The following TEX14 variants were observed in gnomAD, a reference collection of about 807,000 sequenced individuals.
TEX14 encodes inactive serine/threonine-protein kinase TEX14.
A neutral mutation model predicts 178.6 loss-of-function variants in TEX14; 168 were observed. The observed-to-expected ratio is 0.94, with a 90% CI of 0.83 to 1.07. TEX14 has a LOEUF of 1.07. Among genes scored for constraint, TEX14 ranks in the 50% least tolerant of loss-of-function variants. TEX14 has a pLI of 0.00. For synonymous variants in TEX14, 626 were observed against 634.1 expected (o/e 0.99, Z 0.19); for missense variants, 1,730 against 1,753.6 (o/e 0.99, Z 0.24).
chr17:58,587,641 C>T lies in TEX14; in HGVS notation c.2728G>A (p.Glu910Lys). Residue 910 changes from glutamate (E) to lysine (K), a missense_variant, in exon 17 of 32, where the codon GAA becomes AAA. Coordinates refer to ENST00000349033, the MANE Select transcript of TEX14 (RefSeq NM_031272.5). The stretch of plus-strand genomic sequence containing the variant: ...TTTCTGGACTCTGCATTATAGATTT[C>T]AGAAGAAACAGGTTCCACACTCATC... ...TRMSVEPVSS[E>K]IYNAESRNKD... 1 of 1,607,094 alleles carries T rather than the reference C, an allele frequency of 6.2e-7. No individual in the cohort carries two copies. Among genetic ancestry groups the T allele is most frequent in the African/African-American group, 1.3e-5 (1 of 74,648 alleles).
chr17:58,572,235 T>A (rs1407767742), intron 23 of TEX14, 109 bp from the exon 24 acceptor site: 1 of 684,294 alleles, frequency 1.5e-6, no homozygotes, highest in Non-Finnish European at 2.5e-6. Flanking sequence ...TGTGCAGAAA[T>A]GAATCTTTTA....
Position 58,599,157 on chromosome 17 carries a change from A to G in TEX14, c.2188T>C (p.Cys730Arg), listed in dbSNP as rs369987260. The change falls in exon 14 of 32, where the codon TGT (cysteine) becomes CGT (arginine). Residue 730 changes from cysteine to arginine, a missense_variant. Cys to Arg is a radical substitution (Grantham distance 180, BLOSUM62 -3). Around this residue, in one of 2 missense-constraint regions of TEX14, gnomAD observed 941 missense variants for 1,072.4 expected, o/e 0.88. Transcript: ENST00000349033. ...TGCATAATCTTTAGATCCAGCACACACTTACTGATGAGATACTCCTCAGTC... is the reference window on the plus strand; with the variant it reads ...TGCATAATCTTTAGATCCAGCACACGCTTACTGATGAGATACTCCTCAGTC... ...STTEEYLISKCVLDLKIMQTI... is the reference protein window; with the variant it reads ...STTEEYLISKRVLDLKIMQTI... 2 of 1,614,136 alleles carry G rather than the reference A, an allele frequency of 1.2e-6. No individual in the cohort carries two copies. The highest frequency in any genetic ancestry group is 1.7e-6 in the Non-Finnish European group (2 of 1,180,038).
At chr17:58,666,364 C>CA (rs1248105110) in intron 1 of TEX14, among the ~76,000 whole-genome samples, 3 of 142,398 alleles carry the variant, frequency 2.1e-5, no homozygotes, top group African/African-American at 7.9e-5. Flanking sequence ...ATAAATAAGG[C>CA]AAAACCTAAA....
chr17:58,571,868 T>C (rs961509994), intron 24 of TEX14, 53 bp downstream of exon 24: 12 of 1,519,688 alleles, frequency 7.9e-6, no homozygotes, highest in Non-Finnish European at 1.1e-5. Context: ...TTTGGGTCAC[T>C]GGGCCCTTTG....
intron 1 of TEX14, among the ~76,000 whole-genome samples, chr17:58,664,368 C>A (rs1405888294): frequency 6.6e-6 from 1 of 152,162 alleles, no homozygotes; most frequent in Non-Finnish European, 1.5e-5. Context: ...GGGAGAACTC[C>A]ATTTCTGATG....
At chr17:58,600,336 C>A (rs1307998543) in intron 13 of TEX14, among the ~76,000 whole-genome samples, 1 of 150,686 alleles carries the variant, frequency 6.6e-6, no homozygotes, top group Non-Finnish European at 1.5e-5. Context: ...GGTCTCAAAC[C>A]AACATGGTGA....
chr17:58,655,844 T>C (rs2046946587), intron 1 of TEX14, among the ~76,000 whole-genome samples: 1 of 152,192 alleles, frequency 6.6e-6, no homozygotes, highest in African/African-American at 2.4e-5. Flanking sequence ...TGGTTTCTGA[T>C]TCCGGAAGAT....
intron 9 of TEX14, among the ~76,000 whole-genome samples, chr17:58,612,250 T>C (rs1224228216): frequency 6.6e-6 from 1 of 151,876 alleles, no homozygotes; most frequent in Non-Finnish European, 1.5e-5. Flanking sequence ...TAGTCAAAGG[T>C]GTCTGTATTT....
chr17:58,632,153 G>T (rs1055013891), intron 2 of TEX14, among the ~76,000 whole-genome samples: 1 of 152,216 alleles, frequency 6.6e-6, no homozygotes, highest in Non-Finnish European at 1.5e-5. Context: ...AACCGTCAGG[G>T]AAACTGCCCG....
In TEX14 at chr17:58,599,573, G is replaced by C. The variant is rs1201296600; in HGVS notation, c.1772C>G (p.Thr591Ser). 1 of 1,613,948 alleles carries C rather than the reference G, an allele frequency of 6.2e-7. No individual in the cohort carries two copies. The highest frequency in any genetic ancestry group is 1.1e-5 in the South Asian group (1 of 91,072). The change falls in exon 14 of 32, where the codon ACT becomes AGT. Residue 591 changes from threonine to serine, a missense_variant. Thr to Ser is a moderately conservative substitution (Grantham distance 58, BLOSUM62 1). Transcript: ENST00000349033. ...AGGGCAAGGAGCATCTTGATTCTGA[G>C]TCTCCCTGGCCATCAGACATGGATC... is the stretch of plus-strand genomic sequence containing the variant. ...APDPCLMARETQNQDAPCPAP... is the reference protein window; with the variant it reads ...APDPCLMARESQNQDAPCPAP...
At chr17:58,557,275 CT>C (rs59283518) in intron 31 of TEX14, among the ~76,000 whole-genome samples, 151 of 144,526 alleles carry the variant, frequency 1.0e-3, no homozygotes, top group Non-Finnish European at 1.1e-3. Context: ...TAAACCTGTT[CT>C]TTTTTTTTTT....
chr17:58,600,381 G>A (rs1480057591), intron 13 of TEX14, among the ~76,000 whole-genome samples: 1 of 151,850 alleles, frequency 6.6e-6, no homozygotes, highest in Non-Finnish European at 1.5e-5. Context: ...GACCAACATG[G>A]TGAAACCCCA....
chr17:58,691,314 C>G (rs2047714113), intron 1 of TEX14, among the ~76,000 whole-genome samples: 2 of 152,056 alleles, frequency 1.3e-5, no homozygotes, highest in African/African-American at 4.8e-5. Context: ...ATGTAGAGGG[C>G]TCTGATTTGC....
chr17:58,613,459 T>C lies in TEX14; in HGVS notation c.967A>G (p.Ile323Val), dbSNP rs992573527. ...LEKTRLVYER[I>V]TIGTLFSVLH... ...ACACTGAACAATGTGCCGATAGTGA[T>C]GCGCTCGTACACAAGGCGGGTTTTC... Residue 323 changes from isoleucine to valine, a missense_variant, in exon 9 of 32, where the codon ATC (isoleucine) becomes GTC (valine). Transcript: ENST00000349033. 1.9e-6 allele frequency: 3 copies of C among 1,614,118 alleles called. No homozygotes were observed. In the African/African-American group the frequency reaches 4.0e-5, roughly 22 times the overall value.
chr17:58,590,747 G>A (rs759747284), intron 15 of TEX14, among the ~76,000 whole-genome samples: 6 of 152,066 alleles, frequency 3.9e-5, no homozygotes, highest in Non-Finnish European at 8.8e-5. Flanking sequence ...TAGAGATGGT[G>A]TTTTGCCATG....
intron 10 of TEX14, among the ~76,000 whole-genome samples, chr17:58,609,234 C>T (rs1011718911): frequency 3.3e-5 from 5 of 152,164 alleles, no homozygotes; most frequent in African/African-American, 1.2e-4. Context: ...CTCAGCCTCC[C>T]GAGTAGCCGG....
chr17:58,671,428 A>C, intron 1 of TEX14, among the ~76,000 whole-genome samples: 1 of 152,158 alleles, frequency 6.6e-6, no homozygotes, highest in East Asian at 1.9e-4. Context: ...GCTGAGGCTG[A>C]GACCAGCACA....
intron 1 of TEX14, among the ~76,000 whole-genome samples, chr17:58,680,260 G>A (rs989599510): frequency 2.0e-5 from 3 of 152,064 alleles, no homozygotes; most frequent in African/African-American, 4.8e-5. Flanking sequence ...ACCTGAGTAA[G>A]TTTGAAAACA....
In TEX14 at chr17:58,574,197, CT is replaced by C. The variant is rs1433683414; in HGVS notation, c.3372del (p.Glu1125ArgfsTer6). 1 of 1,613,284 alleles carries C rather than the reference CT, an allele frequency of 6.2e-7. No homozygotes were observed. The highest frequency in any genetic ancestry group is 1.1e-5 in the South Asian group (1 of 91,058). On this transcript the variant is annotated frameshift_variant, in exon 22 of 32. Transcript: ENST00000349033. LOFTEE classifies it high-confidence loss of function. ...CTTTGGTGATCATACATGTCTTTCT[CT>C]TTCAGTTCCTTTGGTGACTCCTTTG... is the stretch of plus-strand genomic sequence containing the variant. Reference protein sequence around the residue: ...ETSKESPKELKEKDISLTDIQ... With the variant: ...ETSKESPKELXEKDISLTDIQ...
Sources: gnomAD v4.1 joint callset for allele counts (sites outside exome capture counted in the v4.1 genomes callset) on GRCh38, gnomAD v4.1.1 for gene constraint, gnomAD v4.1.1 regional missense constraint, MANE v1.5 for transcripts, NCBI Gene and HGNC (gene_info 2026-07-23, HGNC 2026-07-21) for gene names.